The following DYRK1A variants were observed in gnomAD, a reference collection of about 807,000 sequenced individuals.
The protein encoded by DYRK1A is dual specificity tyrosine-phosphorylation-regulated kinase 1A.
DYRK1A carries 9 observed loss-of-function variants against 79.7 expected under a neutral mutation model. The ratio of observed to expected loss-of-function variants is 0.11; its 90% CI spans 0.07 to 0.20. The LOEUF is 0.20. Ranked by LOEUF, DYRK1A falls within the 10% of genes least tolerant of loss-of-function variation. The pLI, the probability that DYRK1A is intolerant of heterozygous loss-of-function variation, is 1.00. For synonymous variants in DYRK1A, 349 were observed against 329.7 expected (o/e 1.06, Z -0.63); for missense variants, 622 against 956.0 (o/e 0.65, Z 4.61).
chr21:37,404,555 A>C (rs996916226), intron 1 of DYRK1A, among the ~76,000 whole-genome samples: 2 of 152,022 alleles, frequency 1.3e-5, no homozygotes, highest in Non-Finnish European at 2.9e-5. Flanking sequence ...CCTGAACTCT[A>C]AGCTTTACCA....
intron 1 of DYRK1A, among the ~76,000 whole-genome samples, chr21:37,413,690 C>T (rs2050283754): frequency 6.6e-6 from 1 of 152,180 alleles, no homozygotes; most frequent in Admixed American, 6.6e-5. Context: ...TGGATCTCAG[C>T]TTTGATTCCC....
intron 4 of DYRK1A, among the ~76,000 whole-genome samples, chr21:37,478,671 A>G (rs2052490249): frequency 6.6e-6 from 1 of 152,146 alleles, no homozygotes; most frequent in Non-Finnish European, 1.5e-5. Flanking sequence ...TAGAATTTTT[A>G]TATATTTGTT....
rs201650817 is a variant in DYRK1A, at chr21:37,420,359, G to A, written c.-16G>A. 330 of 1,611,142 alleles carry A rather than the reference G, an allele frequency of 2.0e-4. No individual in the cohort carries two copies. In the East Asian group the frequency reaches 5.3e-3, roughly 26 times the overall value. ...CCCCCACCCCATCAGGATGATATGA[G>A]ACTTGAAAGAAGACGATGCATACAG... On this transcript the variant is annotated 5_prime_UTR_variant, in exon 2 of 12. Coordinates refer to ENST00000647188, the MANE Select transcript of DYRK1A (RefSeq NM_001347721.2).
intron 1 of DYRK1A, among the ~76,000 whole-genome samples, chr21:37,407,883 T>C (rs1199350910): frequency 6.6e-6 from 1 of 152,204 alleles, no homozygotes; most frequent in Non-Finnish European, 1.5e-5. Flanking sequence ...AGCTTGGCAC[T>C]ATGAAGTTTG....
intron 2 of DYRK1A, among the ~76,000 whole-genome samples, chr21:37,420,739 T>C (rs2050452556): frequency 6.6e-6 from 1 of 152,268 alleles, no homozygotes; most frequent in East Asian, 1.9e-4. Context: ...GCAGATCTTT[T>C]ATGGGAGTAG....
chr21:37,516,313 C>G lies in DYRK1A; in HGVS notation c.*3782C>G, dbSNP rs557204798. 1 of 152,302 alleles carries G rather than the reference C, an allele frequency of 6.6e-6. No individual in the cohort carries two copies. Among genetic ancestry groups the G allele is most frequent in the African/African-American group, 2.4e-5 (1 of 41,562 alleles). The allele number at this position is 152,302 out of a possible 1,614,324, so 9.4% of individuals were successfully genotyped here. On this transcript the variant is annotated 3_prime_UTR_variant, in exon 12 of 12. Transcript: ENST00000647188. The stretch of plus-strand genomic sequence containing the variant: ...GACTTCGGTATACCCAGACTTCATT[C>G]AGATTTCTTAAAAATCTGCTAGGGA...
At chr21:37,402,554 G>GT (rs1239279568) in intron 1 of DYRK1A, among the ~76,000 whole-genome samples, 1 of 152,056 alleles carries the variant, frequency 6.6e-6, no homozygotes, top group African/African-American at 2.4e-5. Context: ...GCTTTAAGCT[G>GT]TTTTACTCTG....
chr21:37,437,329 T>C (rs529984069), intron 2 of DYRK1A, among the ~76,000 whole-genome samples: 1 of 152,180 alleles, frequency 6.6e-6, no homozygotes, highest in African/African-American at 2.4e-5. Context: ...ATTGAGTAAT[T>C]TCAAGGGGTT....
At chr21:37,428,784 A>T (rs188251668) in intron 2 of DYRK1A, 6 of 152,210 alleles carry the variant, frequency 3.9e-5, no homozygotes, top group African/African-American at 1.4e-4. Context: ...AAAAGTTATC[A>T]TTGCTTAAGA....
At chr21:37,479,625 T>TTTTTTTTTTTTTTTTTTTG (rs2052560549) in intron 4 of DYRK1A, among the ~76,000 whole-genome samples, 2 of 97,536 alleles carry the variant, frequency 2.1e-5, no homozygotes, top group African/African-American at 1.1e-4. Flanking sequence ...TTTTGTTTTT[T>TTTTTTTTTTTTTTTTTTTG]TTTTTTTTTT....
chr21:37,375,542 T>TTTTTTTA (rs2049521085), intron 1 of DYRK1A, among the ~76,000 whole-genome samples: 1 of 141,534 alleles, frequency 7.1e-6, no homozygotes, highest in African/African-American at 2.7e-5. Context: ...TTTTTTTTTT[T>TTTTTTTA]GAGATGGAGT....
At chr21:37,462,248 A>G (rs1406694257) in intron 2 of DYRK1A, among the ~76,000 whole-genome samples, 1 of 152,114 alleles carries the variant, frequency 6.6e-6, no homozygotes, top group East Asian at 1.9e-4. Flanking sequence ...GGGATGAGGA[A>G]TGCTGGCCCG....
intron 9 of DYRK1A, 112 bp from the exon 10 acceptor site, chr21:37,505,171 C>T: frequency 1.2e-6 from 1 of 841,336 alleles, no homozygotes. Context: ...ATGAAGTGTC[C>T]TTTTTAATAA....
At chr21:37,375,576 A>G (rs2049522569) in intron 1 of DYRK1A, among the ~76,000 whole-genome samples, 1 of 122,146 alleles carries the variant, frequency 8.2e-6, no homozygotes, top group Admixed American at 1.1e-4. Flanking sequence ...CCCAGGCTGG[A>G]GTGCAGTGGC....
rs1569413781 is a variant in DYRK1A, at chr21:37,519,745, T to TTTTTTTTTTTGTTTG, written c.*7224_*7225insGTTTGTTTTTTTTTT. On this transcript the variant is annotated 3_prime_UTR_variant, in exon 12 of 12. Coordinates refer to ENST00000647188, the MANE Select transcript of DYRK1A (RefSeq NM_001347721.2). ...AGGTTTGTTGTGGGAAGTTTTTTTTTTTTTTTTTTTTTTTGAGGCGGAGTC... is the reference window on the plus strand; with the variant it reads ...AGGTTTGTTGTGGGAAGTTTTTTTTTTTTTTTTTTTGTTTGTTTTTTTTTTTTTTGAGGCGGAGTC... The TTTTTTTTTTTGTTTG allele has an allele frequency of 2.4e-5, 3 of 126,204 alleles. No homozygotes were observed. Among genetic ancestry groups the TTTTTTTTTTTGTTTG allele is most frequent in the African/African-American group, 1.3e-4 (3 of 22,342 alleles). 7.8% of individuals were successfully genotyped at this position (126,204 alleles called of 1,614,324 possible).
intron 1 of DYRK1A, among the ~76,000 whole-genome samples, chr21:37,403,260 T>G (rs1479823678): frequency 6.6e-6 from 1 of 152,150 alleles, no homozygotes; most frequent in Non-Finnish European, 1.5e-5. Flanking sequence ...GTTCACACAT[T>G]AAAGACCATG....
chr21:37,379,879 A>G (rs939394107), intron 1 of DYRK1A, among the ~76,000 whole-genome samples: 1 of 152,206 alleles, frequency 6.6e-6, no homozygotes, highest in African/African-American at 2.4e-5. Flanking sequence ...GCTGGTGCCA[A>G]ATATAGAAAA....
intron 2 of DYRK1A, among the ~76,000 whole-genome samples, chr21:37,448,283 A>T (rs1265332907): frequency 6.6e-6 from 1 of 152,204 alleles, no homozygotes; most frequent in Non-Finnish European, 1.5e-5. Context: ...GACAAGTATT[A>T]AAGCACTTTG....
At position 37,515,101 on chromosome 21, in the gene DYRK1A, TAAATG is replaced by T; in HGVS notation, c.*2574_*2578del. ...GGACTTGCTGTGTATATTGTAACGT[TAAATG>T]AAAAAAGAACCCCCCTTTGTATTAT... On this transcript the variant is annotated 3_prime_UTR_variant, in exon 12 of 12. Coordinates refer to ENST00000647188, the MANE Select transcript of DYRK1A (RefSeq NM_001347721.2). 1 of 152,760 alleles carries T rather than the reference TAAATG, an allele frequency of 6.5e-6. No homozygotes were observed. Among genetic ancestry groups the T allele is most frequent in the East Asian group, 1.9e-4 (1 of 5,194 alleles). The allele number at this position is 152,760 out of a possible 1,614,324, so 9.5% of individuals were successfully genotyped here.
Sources: allele counts gnomAD v4.1 joint callset (sites outside exome capture counted in the v4.1 genomes callset), GRCh38; gene constraint gnomAD v4.1.1; transcripts MANE v1.5; gene names NCBI Gene and HGNC (gene_info 2026-07-23, HGNC 2026-07-21).